SLC6A11: variants seen among roughly 807,000 people sequenced by gnomAD.
SLC6A11 encodes the protein sodium- and chloride-dependent GABA transporter 3.
SLC6A11 carries 25 observed loss-of-function variants against 74.8 expected under a neutral mutation model. The observed-to-expected ratio is 0.33, with a 90% CI of 0.24 to 0.47. The LOEUF is 0.47. Ranked by LOEUF, SLC6A11 falls within the 20% of genes least tolerant of loss-of-function variation. The pLI is 1.00. For missense variants in SLC6A11, 574 were observed against 837.0 expected (o/e 0.69, Z 3.88); for synonymous variants, 330 against 330.2 (o/e 1.00, Z 0.01).
At chr3:10,844,091 A>C in intron 4 of SLC6A11, 123 bp from the exon 5 acceptor site, 1 of 1,178,200 alleles carries the variant, frequency 8.5e-7, no homozygotes, top group Non-Finnish European at 1.2e-6. Context: ...CAGAGGAGAC[A>C]TTTGGCCCAC....
intron 5 of SLC6A11, among the ~76,000 whole-genome samples, chr3:10,863,886 G>A (rs776503961): frequency 6.6e-6 from 1 of 152,110 alleles, no homozygotes; most frequent in Non-Finnish European, 1.5e-5. Flanking sequence ...GGGCTTCGGA[G>A]TTGAATGGCT....
Position 10,816,305 on chromosome 3 carries a change from G to A in SLC6A11, c.40G>A (p.Ala14Thr). The change falls in exon 1 of 14, where the codon GCT (alanine) becomes ACT (threonine). Residue 14 changes from alanine to threonine, a missense_variant. Around this residue, in one of 4 missense-constraint regions of SLC6A11, gnomAD observed 86 missense variants for 87.4 expected, o/e 0.98. Coordinates refer to ENST00000254488, the MANE Select transcript of SLC6A11 (RefSeq NM_014229.3). This position sits in a 1 kb window ranked among gnomAD's most constrained non-coding sequence, Gnocchi z 4.2. ...GGCGCTGCCCCTGGGCAATGGGAAGGCTGCTGAGGAGGCGCGGGAGTCCGA... is the reference window on the plus strand; with the variant it reads ...GGCGCTGCCCCTGGGCAATGGGAAGACTGCTGAGGAGGCGCGGGAGTCCGA... ...EKALPLGNGK[A>T]AEEARESEAP... The A allele has an allele frequency of 7.2e-7, 1 of 1,398,326 alleles. No homozygotes were observed. Among genetic ancestry groups the A allele is most frequent in the Non-Finnish European group, 9.3e-7 (1 of 1,078,086 alleles). 86.6% of individuals were successfully genotyped at this position (1,398,326 alleles called of 1,614,324 possible).
intron 6 of SLC6A11, among the ~76,000 whole-genome samples, chr3:10,888,780 C>T (rs1695073572): frequency 1.3e-5 from 2 of 152,226 alleles, no homozygotes; most frequent in Admixed American, 1.3e-4. Flanking sequence ...TGCCTGTCTT[C>T]AGGTATTCTC....
chr3:10,829,098 T>A (rs192955407), intron 4 of SLC6A11, among the ~76,000 whole-genome samples: 1 of 152,350 alleles, frequency 6.6e-6, no homozygotes, highest in Admixed American at 6.5e-5. Context: ...TGAATAAGAC[T>A]TCTCCTGTAG....
At chr3:10,928,701 A>G (rs1417840627) in intron 9 of SLC6A11, among the ~76,000 whole-genome samples, 1 of 152,144 alleles carries the variant, frequency 6.6e-6, no homozygotes. Flanking sequence ...CTCATCTGCC[A>G]GAAAGAAAGG....
chr3:10,883,830 A>T (rs779800138), intron 6 of SLC6A11, among the ~76,000 whole-genome samples: 1 of 152,060 alleles, frequency 6.6e-6, no homozygotes, highest in Non-Finnish European at 1.5e-5. Context: ...TTTTGAAAAT[A>T]TTGCAAAGTA....
chr3:10,899,407 G>T (rs531869035), intron 6 of SLC6A11, among the ~76,000 whole-genome samples: 1 of 152,288 alleles, frequency 6.6e-6, no homozygotes, highest in South Asian at 2.1e-4. Flanking sequence ...GTTTCATATG[G>T]AATTGAGTAA....
intron 4 of SLC6A11, among the ~76,000 whole-genome samples, chr3:10,842,131 C>T (rs2923850): frequency 2.6e-5 from 4 of 152,292 alleles, no homozygotes; most frequent in South Asian, 2.1e-4. Flanking sequence ...TTTTGGGAGC[C>T]GGTGTATTTC....
intron 5 of SLC6A11, among the ~76,000 whole-genome samples, chr3:10,859,455 TAATGTCTGTGACTCTGC>T (rs200210983): frequency 8.5e-5 from 13 of 152,264 alleles, no homozygotes; most frequent in Middle Eastern, 3.4e-3. Context: ...GTAGACCCAT[TAATGTCTGTGACTCTGC>T]AATGTCTGTG....
Position 10,938,292 on chromosome 3 carries a change from C to T in SLC6A11, c.1789C>T (p.Arg597Trp), listed in dbSNP as rs142712079. Reference protein sequence around the residue: ...LTTPSTDLKMRGKLGVSPRMV... With the variant: ...LTTPSTDLKMWGKLGVSPRMV... ...GACCCCCAGCACAGATCTGAAAATG[C>T]GGGGCAAGCTTGGGGTGAGCCCACG... Residue 597 changes from arginine (R) to tryptophan (W), a missense_variant, in exon 14 of 14, where the codon CGG becomes TGG. This residue lies in a region of SLC6A11 where 257 missense variants were observed against 341.5 expected (regional missense o/e 0.75). Transcript: ENST00000254488. The T allele has an allele frequency of 1.2e-4, 189 of 1,611,446 alleles. No homozygotes were observed. The East Asian group carries it at 3.9e-3, about 33-fold the overall frequency.
At chr3:10,817,895 C>G (rs1170205223) in intron 1 of SLC6A11, among the ~76,000 whole-genome samples, 2 of 152,178 alleles carry the variant, frequency 1.3e-5, no homozygotes, top group Admixed American at 6.5e-5. Flanking sequence ...TCTGCAGATA[C>G]AGCGTTTGTA....
Position 10,929,171 on chromosome 3 carries a change from G to C in SLC6A11, c.1234-31G>C, listed in dbSNP as rs772990974. 6 of 1,610,722 alleles carry C rather than the reference G, an allele frequency of 3.7e-6. No homozygotes were observed. The South Asian group carries it at 5.5e-5, about 15-fold the overall frequency. On this transcript the variant is annotated intron_variant, in intron 9 of 13. Transcript: ENST00000254488. ...GGCCACCAGGAGCAGCCTTGTCCTT[G>C]AGTTTCACACCATCATATCTCCCCA...
At chr3:10,895,414 A>G (rs1457611378) in intron 6 of SLC6A11, among the ~76,000 whole-genome samples, 1 of 152,110 alleles carries the variant, frequency 6.6e-6, no homozygotes, top group East Asian at 1.9e-4. Context: ...AATACTATGC[A>G]ACCATAAGAA....
chr3:10,873,367 A>C (rs2581201), intron 5 of SLC6A11, among the ~76,000 whole-genome samples: 148,183 of 148,184 alleles, frequency 1, 74,091 homozygotes, highest in Non-Finnish European at 1. Flanking sequence ...TCCCTCCCCT[A>C]TGCTCACCTT....
intron 4 of SLC6A11, among the ~76,000 whole-genome samples, chr3:10,840,877 G>A (rs930131635): frequency 6.6e-6 from 1 of 152,142 alleles, no homozygotes; most frequent in Non-Finnish European, 1.5e-5. Flanking sequence ...CTGTGGGGAG[G>A]GTTAGATGCA....
At position 10,847,893 on chromosome 3, in the gene SLC6A11, C is replaced by A. The variant is rs570541371; in HGVS notation, c.756+3547C>A. ...AAACTTCCCACGTGGGCAGAGGTCA[C>A]CCCTGCCCCTGGCCTGTGGGACCCT... On this transcript the variant is annotated intron_variant, in intron 5 of 13. Transcript: ENST00000254488. 8.7e-4 allele frequency among the ~76,000 whole-genome samples: 133 copies of A among 152,128 alleles called. 1 individual carries two copies. The highest frequency in any genetic ancestry group is 1.4e-3 in the Non-Finnish European group (97 of 68,032).
At chr3:10,933,393 T>C (rs1424020214) in intron 11 of SLC6A11, 140 bp downstream of exon 11, 4 of 658,278 alleles carry the variant, frequency 6.1e-6, no homozygotes, top group African/African-American at 1.8e-5. Flanking sequence ...AGGGATTCCT[T>C]GGCCTTTTCC....
At chr3:10,856,169 A>T (rs538506558) in intron 5 of SLC6A11, among the ~76,000 whole-genome samples, 13 of 152,294 alleles carry the variant, frequency 8.5e-5, no homozygotes, top group Admixed American at 2.0e-4. Flanking sequence ...CAGAGGGAAA[A>T]CTTCTCTTGG....
intron 6 of SLC6A11, among the ~76,000 whole-genome samples, chr3:10,893,349 G>A (rs562058805): frequency 2.2e-4 from 33 of 152,152 alleles, no homozygotes; most frequent in Admixed American, 1.6e-3. Flanking sequence ...CTTCTACCTC[G>A]CCCAGAAGGG....
Sources: allele counts gnomAD v4.1 joint callset (sites outside exome capture counted in the v4.1 genomes callset), GRCh38; gene constraint gnomAD v4.1.1; regional missense constraint gnomAD v4.1.1; non-coding constraint Gnocchi (gnomAD v3.1); transcripts MANE v1.5; gene names NCBI Gene and HGNC (gene_info 2026-07-23, HGNC 2026-07-21).